NDRG2: variants seen among roughly 807,000 people sequenced by gnomAD.
NDRG2 encodes NDRG family member 2, also known as protein NDRG2.
NDRG2 carries 34 observed loss-of-function variants against 58.2 expected under a neutral mutation model. That is an observed-to-expected ratio of 0.58 (90% CI 0.44 to 0.78). The LOEUF (loss-of-function observed/expected upper bound fraction) is 0.78. Ranked by LOEUF, NDRG2 falls within the 30% of genes least tolerant of loss-of-function variation. The pLI, the probability that NDRG2 is intolerant of heterozygous loss-of-function variation, is 0.00. For missense variants in NDRG2, 434 were observed against 471.2 expected (o/e 0.92, Z 0.73); for synonymous variants, 187 against 175.9 (o/e 1.06, Z -0.50).
At chr14:21,035,799 C>T (rs1412189680) in intron 1 of NDRG2, 5 of 456,132 alleles carry the variant, frequency 1.1e-5, no homozygotes. Context: ...CTCAGTTTCC[C>T]TGGTTACCTA....
intron 7 of NDRG2, 77 bp downstream of exon 7, chr14:21,020,707 C>T (rs111737309): frequency 6.3e-6 from 10 of 1,598,060 alleles, no homozygotes; most frequent in Non-Finnish European, 8.6e-6. Context: ...CTTCCTCCCC[C>T]AAACAGCACT....
At position 21,047,636 on chromosome 14, in the gene NDRG2, T is replaced by C. The variant is rs139264012; in HGVS notation, c.24+23192A>G. Among the ~76,000 whole-genome samples the C allele has an allele frequency of 6.2e-3, 941 of 152,338 alleles. 13 individuals are homozygous for C. The highest frequency in any genetic ancestry group is 0.022 in the African/African-American group (913 of 41,578). ...CTTAATTATGAGATATTTATGTTTC[T>C]AGGGCTGGGAGCTTGGAGAGAGGAG... On this transcript the variant is annotated intron_variant, in intron 1 of 14. Transcript: ENST00000403829.
intron 1 of NDRG2, among the ~76,000 whole-genome samples, chr14:21,036,930 T>C (rs1252240429): frequency 6.6e-6 from 1 of 152,236 alleles, no homozygotes; most frequent in African/African-American, 2.4e-5. Context: ...ATGCAGGGTG[T>C]CGCCTGAGCC....
rs994156275 is a variant in NDRG2 at position 21,024,977 on chromosome 14, C to A, written c.-954G>T. ...GCGGATCAATCACACCGCCCGCCGGCCCGGCTGGCGCCTTCCAGGCCCTAC... is the reference window on the plus strand; with the variant it reads ...GCGGATCAATCACACCGCCCGCCGGACCGGCTGGCGCCTTCCAGGCCCTAC... On this transcript the variant is annotated 5_prime_UTR_variant, in exon 1 of 16. Coordinates refer to ENST00000556147, the MANE Select transcript of NDRG2 (RefSeq NM_001320329.2). 14 of 985,536 alleles carry A rather than the reference C, an allele frequency of 1.4e-5. No homozygotes were observed. The highest frequency in any genetic ancestry group is 1.7e-5 in the Non-Finnish European group (14 of 830,120). The allele number at this position is 985,536 out of a possible 1,614,324, so 61.0% of individuals were successfully genotyped here. A position where few individuals can be genotyped will look rare whatever the true frequency, so the allele number is the denominator to read the frequency against.
chr14:21,028,715 G>A (rs1372055864), upstream of NDRG2, among the ~76,000 whole-genome samples: 1 of 152,132 alleles, frequency 6.6e-6, no homozygotes, highest in Non-Finnish European at 1.5e-5. Flanking sequence ...AGGTAATAGA[G>A]ATGGATTATG....
At chr14:21,058,689 G>T (rs1018613693) in intron 1 of NDRG2, among the ~76,000 whole-genome samples, 1 of 152,158 alleles carries the variant, frequency 6.6e-6, no homozygotes, top group East Asian at 1.9e-4. Flanking sequence ...AATTACAAAC[G>T]TAAATAAGTC....
chr14:21,046,592 T>TA (rs1232379172), intron 1 of NDRG2, among the ~76,000 whole-genome samples: 3 of 151,916 alleles, frequency 2.0e-5, no homozygotes, highest in Non-Finnish European at 2.9e-5. Flanking sequence ...CATACATACA[T>TA]ACCTTGGTCT....
At position 21,065,180 on chromosome 14, in the gene NDRG2, AAAC is replaced by A. The variant is rs1213272117; in HGVS notation, c.24+5645_24+5647del. ...GCAAAACTCCATCTCAAAAAAAAAA[AAAC>A]AAACAACAACAACAAAAAAATTCTG... On this transcript the variant is annotated intron_variant, in intron 1 of 14. Coordinates refer to the NDRG2 transcript ENST00000403829. Among the ~76,000 whole-genome samples the A allele has an allele frequency of 5.4e-5, 8 of 148,850 alleles. No homozygotes were observed. The East Asian group carries it at 1.4e-3, about 26-fold the overall frequency.
At chr14:21,067,425 G>T (rs2139174288) in intron 1 of NDRG2, among the ~76,000 whole-genome samples, 1 of 152,250 alleles carries the variant, frequency 6.6e-6, no homozygotes, top group East Asian at 1.9e-4. Context: ...CTTCTTTTAT[G>T]AACTTTGACA....
chr14:21,050,210 C>T (rs1800319208), intron 1 of NDRG2, among the ~76,000 whole-genome samples: 1 of 152,180 alleles, frequency 6.6e-6, no homozygotes, highest in Admixed American at 6.5e-5. Context: ...GCATTTCTGA[C>T]CTTCACCTGA....
intron 1 of NDRG2, chr14:21,023,618 A>G: frequency 2.7e-6 from 1 of 367,202 alleles, no homozygotes. Context: ...CCAAAATACC[A>G]GGGTGGGGCA....
intron 1 of NDRG2, among the ~76,000 whole-genome samples, chr14:21,049,194 C>G (rs1387444649): frequency 6.6e-6 from 1 of 152,198 alleles, no homozygotes; most frequent in African/African-American, 2.4e-5. Context: ...CCAACTTCCC[C>G]TCCTGAGATA....
At chr14:21,061,362 A>T (rs1885948742) in intron 1 of NDRG2, among the ~76,000 whole-genome samples, 1 of 152,188 alleles carries the variant, frequency 6.6e-6, no homozygotes, top group Admixed American at 6.5e-5. Flanking sequence ...ATATCCAAAC[A>T]AGTGGGGGTA....
At chr14:21,033,641 G>C in intron 1 of NDRG2, 1 of 617,694 alleles carries the variant, frequency 1.6e-6, no homozygotes, top group South Asian at 1.9e-5. Flanking sequence ...GAACCTAGAA[G>C]ATAGCACCAC....
upstream of NDRG2, chr14:21,025,185 C>A (rs942978200): frequency 7.7e-4 from 692 of 893,814 alleles, no homozygotes; most frequent in Non-Finnish European, 8.7e-4. This position sits in a 1 kb window ranked among gnomAD's most constrained non-coding sequence, Gnocchi z 5.1. Flanking sequence ...ACACGCCCCC[C>A]CTTTCACCCC....
chr14:21,025,122 A>C (rs971366601), upstream of NDRG2: 2 of 969,584 alleles, frequency 2.1e-6, no homozygotes, highest in African/African-American at 1.9e-5. This position sits in a 1 kb window ranked among gnomAD's most constrained non-coding sequence, Gnocchi z 5.1. Flanking sequence ...GGCCCGCCCC[A>C]GCCCGCCCAC....
chr14:21,070,150 A>G lies in NDRG2; in HGVS notation c.24+678T>C, dbSNP rs1209167420. The G allele has an allele frequency of 9.3e-6, 2 of 215,720 alleles. No individual in the cohort carries two copies. Among genetic ancestry groups the G allele is most frequent in the Non-Finnish European group, 1.8e-5 (2 of 113,198 alleles). 13.4% of individuals were successfully genotyped at this position (215,720 alleles called of 1,614,324 possible). A position where few individuals can be genotyped will look rare whatever the true frequency, so the allele number is the denominator to read the frequency against. On this transcript the variant is annotated intron_variant, in intron 1 of 14. Transcript: ENST00000403829. This position sits in a 1 kb window ranked among gnomAD's most constrained non-coding sequence, Gnocchi z 4.7. ...CGGCAGAGATCTCGGCGCGGGAGAC[A>G]GAGTCCCGGCAAGGGGTCCCGCGCG...
chr14:21,036,321 T>A (rs1186230298), intron 1 of NDRG2: 1 of 454,596 alleles, frequency 2.2e-6, no homozygotes, highest in Non-Finnish European at 4.4e-6. Flanking sequence ...TGCAATAGCT[T>A]GTTTCTCATA....
In NDRG2 at chr14:21,018,107, G is replaced by A. The variant is rs1877826741; in HGVS notation, c.898-69C>T. The A allele has an allele frequency of 1.3e-5, 20 of 1,597,472 alleles. No homozygotes were observed. The South Asian group carries it at 2.1e-4, about 17-fold the overall frequency. On this transcript the variant is annotated intron_variant, in intron 14 of 15. Coordinates refer to ENST00000556147, the MANE Select transcript of NDRG2 (RefSeq NM_001320329.2). Reference sequence around the variant, plus strand: ...AGAGGAAGAGCTGGAGCCTGAGGCTGCGGCACTGTGGGGCCGGGTGTGTGG... The same window carrying A: ...AGAGGAAGAGCTGGAGCCTGAGGCTACGGCACTGTGGGGCCGGGTGTGTGG...
Sources: gnomAD v4.1 joint callset for allele counts (sites outside exome capture counted in the v4.1 genomes callset) on GRCh38, gnomAD v4.1.1 for gene constraint, Gnocchi (gnomAD v3.1) non-coding constraint, MANE v1.5 for transcripts, NCBI Gene and HGNC (gene_info 2026-07-23, HGNC 2026-07-21) for gene names.